Variants in NTNG2 observed in about 807,000 individuals in gnomAD.
NTNG2 encodes the protein netrin G2.
A neutral mutation model predicts 47.6 loss-of-function variants in NTNG2; 15 were observed. The observed-to-expected ratio is 0.32, with a 90% CI of 0.21 to 0.49. The LOEUF (loss-of-function observed/expected upper bound fraction) is 0.49. NTNG2 is among the 20% of genes least tolerant of loss of function. NTNG2 has a pLI of 0.99. For synonymous variants in NTNG2, 307 were observed against 324.6 expected, an observed-to-expected ratio of 0.95 and a Z score of 0.58; for missense variants, 578 against 764.6, an observed-to-expected ratio of 0.76 and a Z score of 2.88.
rs1161914705 is a variant in NTNG2 at position 132,198,440 on chromosome 9, A to G, written c.688A>G (p.Met230Val). Residue 230 changes from methionine to valine, a missense_variant, in exon 3 of 8, where the codon ATG becomes GTG. By Grantham distance (21) the Met-to-Val change is conservative (BLOSUM62 1). Coordinates refer to ENST00000393229, the MANE Select transcript of NTNG2 (RefSeq NM_032536.4). ...AIFAGPDLRN[M>V]DNLYTRLESA... ...CTTTGCCGGCCCCGACCTGCGCAACATGGACAACCTCTACACGCGGCTGGA... is the reference window on the plus strand; with the variant it reads ...CTTTGCCGGCCCCGACCTGCGCAACGTGGACAACCTCTACACGCGGCTGGA... The G allele has an allele frequency of 6.2e-7, 1 of 1,613,066 alleles. No homozygotes were observed. The highest frequency in any genetic ancestry group is 1.1e-5 in the South Asian group (1 of 91,082).
chr9:132,241,187 G>T, intron 7 of NTNG2, 143 bp downstream of exon 7: 2 of 1,090,320 alleles, frequency 1.8e-6, no homozygotes, highest in Non-Finnish European at 2.5e-6. Context: ...AAGTGGGTGG[G>T]GCCTAGTGGG....
At chr9:132,230,474 T>C (rs961951859) in intron 4 of NTNG2, 98 bp from the exon 5 acceptor site, 1 of 1,139,146 alleles carries the variant, frequency 8.8e-7, no homozygotes, top group Non-Finnish European at 1.3e-6. Flanking sequence ...GAGCGACACC[T>C]CCAGGTGCTC....
At chr9:132,195,191 G>C (rs939233609) in intron 2 of NTNG2, among the ~76,000 whole-genome samples, 44 of 152,308 alleles carry the variant, frequency 2.9e-4, no homozygotes, top group Non-Finnish European at 2.2e-4. Context: ...AGTACAGAAA[G>C]TACCTAAAAC....
intron 1 of NTNG2, chr9:132,166,118 G>A (rs1835492035): frequency 6.6e-6 from 1 of 152,428 alleles, no homozygotes; most frequent in Non-Finnish European, 1.5e-5. Flanking sequence ...GCCAAGGTCA[G>A]CTGGGCCCCA....
intron 2 of NTNG2, among the ~76,000 whole-genome samples, chr9:132,179,150 C>G (rs1836731183): frequency 6.6e-6 from 1 of 151,782 alleles, no homozygotes; most frequent in South Asian, 2.1e-4. Flanking sequence ...AGGACAGGGG[C>G]CCTCCCCAAC....
In NTNG2 at chr9:132,231,561, C is replaced by G. The variant is rs1315042651; in HGVS notation, c.1054+966C>G. On this transcript the variant is annotated intron_variant, in intron 5 of 7. Transcript: ENST00000393229. This position sits in a 1 kb window ranked among gnomAD's most constrained non-coding sequence, Gnocchi z 4.1. ...GACCCTGCAGGGACGCTGGTCTGCA[C>G]AGCCGTCGTAAGTTGCTTCTCTGTG... 3.0e-6 allele frequency: 1 copy of G among 331,376 alleles called. No homozygotes were observed. The highest frequency in any genetic ancestry group is 2.2e-5 in the African/African-American group (1 of 45,056). The allele number at this position is 331,376 out of a possible 1,614,324, so 20.5% of individuals were successfully genotyped here.
chr9:132,234,608 C>T (rs1431633736), intron 5 of NTNG2, among the ~76,000 whole-genome samples: 1 of 152,250 alleles, frequency 6.6e-6, no homozygotes. Flanking sequence ...ATGTTTCTCC[C>T]GCCTGCCAAT....
At position 132,166,698 on chromosome 9, in the gene NTNG2, C is replaced by A. The variant is rs950192844; in HGVS notation, c.-134C>A. The A allele has an allele frequency of 1.6e-5, 12 of 763,248 alleles. No homozygotes were observed. The highest frequency in any genetic ancestry group is 4.2e-5 in the Admixed American group (2 of 47,400). The allele number at this position is 763,248 out of a possible 1,614,324, so 47.3% of individuals were successfully genotyped here. On this transcript the variant is annotated 5_prime_UTR_variant, in exon 2 of 8. Transcript: ENST00000393229. ...TCGCTGTTTGCAAAGCTTCAGTGCT[C>A]GGGTCCCTGGGACACCCCGGCCACC...
At chr9:132,237,098 G>A (rs1321989715) in intron 5 of NTNG2, among the ~76,000 whole-genome samples, 1 of 152,208 alleles carries the variant, frequency 6.6e-6, no homozygotes, top group Non-Finnish European at 1.5e-5. Context: ...GCGCGGGGGT[G>A]TCAGGGGTTA....
Position 132,208,184 on chromosome 9 carries a change from G to A in NTNG2, c.857+9575G>A, listed in dbSNP as rs1051177429. 6.6e-6 allele frequency among the ~76,000 whole-genome samples: 1 copy of A among 152,028 alleles called. No homozygotes were observed. The highest frequency in any genetic ancestry group is 1.5e-5 in the Non-Finnish European group (1 of 67,990). On this transcript the variant is annotated intron_variant, in intron 3 of 7. Transcript: ENST00000393229. The surrounding 1 kb of genome is among the most constrained non-coding windows in gnomAD (Gnocchi z 4.0). Reference sequence around the variant, plus strand: ...GGGGTCAGGGAAGGCCCTCCAGGGAGGGGGGCTTTGAAGGAGAAACCTGAA... The same window carrying A: ...GGGGTCAGGGAAGGCCCTCCAGGGAAGGGGGCTTTGAAGGAGAAACCTGAA...
At chr9:132,168,124 C>A (rs546022799) in intron 2 of NTNG2, among the ~76,000 whole-genome samples, 1 of 152,200 alleles carries the variant, frequency 6.6e-6, no homozygotes, top group African/African-American at 2.4e-5. Flanking sequence ...CCAGGGGTGA[C>A]GGGTAAAGGC....
intron 4 of NTNG2, among the ~76,000 whole-genome samples, chr9:132,230,336 G>A (rs1348119269): frequency 6.6e-6 from 1 of 152,238 alleles, no homozygotes; most frequent in Non-Finnish European, 1.5e-5. Context: ...TCTGCAAAAT[G>A]GGCCAATAGT....
chr9:132,188,795 T>C (rs1302921109), intron 2 of NTNG2, among the ~76,000 whole-genome samples: 1 of 152,086 alleles, frequency 6.6e-6, no homozygotes, highest in Non-Finnish European at 1.5e-5. Flanking sequence ...GCTAGTAACC[T>C]CATTGAGCGT....
Position 132,163,538 on chromosome 9 carries a change from C to T in NTNG2, c.-484+1299C>T, listed in dbSNP as rs964573059. On this transcript the variant is annotated intron_variant, in intron 1 of 7. Coordinates refer to ENST00000393229, the MANE Select transcript of NTNG2 (RefSeq NM_032536.4). This position sits in a 1 kb window ranked among gnomAD's most constrained non-coding sequence, Gnocchi z 7.2. ...CGCCGGCCAAGCTCCCTTTCCCTCC[C>T]GGCAACCGCCACTCTCCCCTGAAAG... Among the ~76,000 whole-genome samples, 4 of 152,164 alleles carry T rather than the reference C, an allele frequency of 2.6e-5. No individual in the cohort carries two copies. The highest frequency in any genetic ancestry group is 2.1e-4 in the South Asian group (1 of 4,838).
chr9:132,196,833 C>T (rs560400163), intron 2 of NTNG2, among the ~76,000 whole-genome samples: 8 of 152,324 alleles, frequency 5.3e-5, no homozygotes, highest in Non-Finnish European at 8.8e-5. Context: ...CCACCTCTGA[C>T]GCAATTGCAA....
chr9:132,236,067 ACC>A lies in NTNG2; in HGVS notation c.1055-3032_1055-3031del, dbSNP rs751984570. Among the ~76,000 whole-genome samples the A allele has an allele frequency of 4.6e-5, 7 of 151,872 alleles. No homozygotes were observed. Among genetic ancestry groups the A allele is most frequent in the Non-Finnish European group, 1.0e-4 (7 of 67,950 alleles). ...AGAGGCCCCGCCTCCCACGACAGGA[ACC>A]CCCCTCTCCAGCTGCCCTTGCTCAC... On this transcript the variant is annotated intron_variant, in intron 5 of 7. Coordinates refer to ENST00000393229, the MANE Select transcript of NTNG2 (RefSeq NM_032536.4). This position sits in a 1 kb window ranked among gnomAD's most constrained non-coding sequence, Gnocchi z 4.3.
At chr9:132,167,836 C>T (rs1381076192) in intron 2 of NTNG2, among the ~76,000 whole-genome samples, 2 of 152,162 alleles carry the variant, frequency 1.3e-5, no homozygotes, top group Non-Finnish European at 2.9e-5. Flanking sequence ...AGCCTGATGC[C>T]ATTGCGAGGA....
chr9:132,234,609 G>A (rs547685192), intron 5 of NTNG2, among the ~76,000 whole-genome samples: 8 of 152,226 alleles, frequency 5.3e-5, no homozygotes, highest in African/African-American at 9.6e-5. Context: ...TGTTTCTCCC[G>A]CCTGCCAATG....
At chr9:132,222,471 A>C (rs1589514952) in intron 3 of NTNG2, among the ~76,000 whole-genome samples, 1 of 152,226 alleles carries the variant, frequency 6.6e-6, no homozygotes, top group African/African-American at 2.4e-5. Flanking sequence ...TTGGTGTTCC[A>C]GTAAAACCTC....
Sources: gnomAD v4.1 joint callset for allele counts (sites outside exome capture counted in the v4.1 genomes callset) on GRCh38, gnomAD v4.1.1 for gene constraint, Gnocchi (gnomAD v3.1) non-coding constraint, MANE v1.5 for transcripts, NCBI Gene and HGNC (gene_info 2026-07-23, HGNC 2026-07-21) for gene names.